Variants in FAR2 observed in about 807,000 individuals in gnomAD.
FAR2 encodes epididymis secretory protein Li 81.
In FAR2, 19 loss-of-function variants were observed where a neutral mutation model predicts 56.0. That is an observed-to-expected ratio of 0.34 (90% confidence interval 0.24 to 0.50). The LOEUF is 0.50. Ranked by LOEUF, FAR2 falls within the 20% of genes least tolerant of loss-of-function variation. The probability of loss-of-function intolerance (pLI) is 0.98; values close to 1 mark genes in which losing one functional copy is unlikely to be tolerated. For synonymous variants in FAR2, 219 were observed against 218.8 expected (o/e 1.00, Z -0.01); for missense variants, 508 against 642.2 (o/e 0.79, Z 2.26).
intron 1 of FAR2, among the ~76,000 whole-genome samples, chr12:29,240,825 AG>A (rs1470672794): frequency 6.6e-6 from 1 of 151,660 alleles, no homozygotes; most frequent in Non-Finnish European, 1.5e-5. Context: ...ATTTTTTTTG[AG>A]ACTGAGTCTC....
chr12:29,320,687 C>T (rs1565523541), intron 9 of FAR2, among the ~76,000 whole-genome samples: 2 of 152,194 alleles, frequency 1.3e-5, no homozygotes. Flanking sequence ...GGACCTTGAG[C>T]ATAATCTCTC....
intron 4 of FAR2, among the ~76,000 whole-genome samples, chr12:29,299,431 T>C (rs1949124999): frequency 2.6e-5 from 4 of 152,102 alleles, no homozygotes; most frequent in Admixed American, 2.0e-4. Flanking sequence ...CTCAAGTATA[T>C]GTCAACCAGA....
chr12:29,149,588 C>T (rs1017053904), intron 1 of FAR2, among the ~76,000 whole-genome samples, 181 bp downstream of exon 1: 1 of 152,222 alleles, frequency 6.6e-6, no homozygotes, highest in African/African-American at 2.4e-5. Flanking sequence ...TTTGCGGAGG[C>T]TCTGCCCCCT....
chr12:29,310,898 T>C (rs1949336515), intron 6 of FAR2, 130 bp from the exon 7 acceptor site: 1 of 694,530 alleles, frequency 1.4e-6, no homozygotes, highest in Admixed American at 2.2e-5. Flanking sequence ...CATAAGAACC[T>C]GGTAAGCAGT....
intron 9 of FAR2, among the ~76,000 whole-genome samples, chr12:29,320,396 T>C (rs1311521177): frequency 6.6e-6 from 1 of 152,222 alleles, no homozygotes; most frequent in Non-Finnish European, 1.5e-5. Flanking sequence ...ATTTAGATAA[T>C]AGTAAAGTGG....
At chr12:29,250,978 A>G (rs1948199883) in intron 1 of FAR2, among the ~76,000 whole-genome samples, 1 of 152,168 alleles carries the variant, frequency 6.6e-6, no homozygotes, top group East Asian at 1.9e-4. Flanking sequence ...GTGGCACTCA[A>G]TTTTCAAAGA....
chr12:29,297,162 G>A lies in FAR2; in HGVS notation c.507G>A (p.Pro169=), dbSNP rs138675198. The A allele has an allele frequency of 1.4e-5, 22 of 1,613,254 alleles. No individual in the cohort carries two copies. The highest frequency in any genetic ancestry group is 3.3e-4 in the Middle Eastern group (2 of 6,016). Residue 169 remains proline, a synonymous_variant, in exon 4 of 12, where the codon CCG becomes CCA. Transcript: ENST00000536681. The part of the protein sequence containing the change: ...NLKHIDEVIY[P]CPVEPKKIID... ...AGCACATCGATGAAGTTATCTATCC[G>A]TGCCCTGTGGAGCCAAAAAAAATCA...
At chr12:29,315,696 G>T (rs1949436960) in intron 8 of FAR2, among the ~76,000 whole-genome samples, 1 of 152,128 alleles carries the variant, frequency 6.6e-6, no homozygotes, top group Non-Finnish European at 1.5e-5. Flanking sequence ...TTAAAGAGAA[G>T]AATCAAGGAT....
In FAR2 at chr12:29,333,933, TTAAC is replaced by T. The variant is rs1171794252; in HGVS notation, c.*142_*145del. ...CCTGTTATGTATTCGTCCCTATTCC[TTAAC>T]TATGTATTTTTATTTCAGTGAGAGA... On this transcript the variant is annotated 3_prime_UTR_variant, in exon 12 of 12. Coordinates refer to ENST00000536681, the MANE Select transcript of FAR2 (RefSeq NM_001271783.2). 1 of 692,378 alleles carries T rather than the reference TTAAC, an allele frequency of 1.4e-6. No individual in the cohort carries two copies. The highest frequency in any genetic ancestry group is 1.8e-5 in the African/African-American group (1 of 55,146). The allele number at this position is 692,378 out of a possible 1,614,324, so 42.9% of individuals were successfully genotyped here. A position where few individuals can be genotyped will look rare whatever the true frequency, so the allele number is the denominator to read the frequency against.
At chr12:29,266,342 T>C (rs1001771617) in intron 1 of FAR2, among the ~76,000 whole-genome samples, 6 of 152,076 alleles carry the variant, frequency 3.9e-5, no homozygotes, top group African/African-American at 1.4e-4. Context: ...AAGAATGAGA[T>C]CCTGTTATTT....
chr12:29,272,992 G>A (rs1197399222), intron 2 of FAR2, among the ~76,000 whole-genome samples: 1 of 152,180 alleles, frequency 6.6e-6, no homozygotes, highest in African/African-American at 2.4e-5. Flanking sequence ...AGAGGCTGGA[G>A]AGCAGCAAAG....
chr12:29,321,102 T>TA (rs56727872), intron 9 of FAR2, among the ~76,000 whole-genome samples: 16 of 151,334 alleles, frequency 1.1e-4, no homozygotes, highest in Non-Finnish European at 1.9e-4. Context: ...TTTTTTTTTT[T>TA]AATCTCCACT....
At chr12:29,183,419 G>A (rs146813236) in intron 1 of FAR2, among the ~76,000 whole-genome samples, 102 of 152,062 alleles carry the variant, frequency 6.7e-4, no homozygotes, top group Non-Finnish European at 1.0e-3. Flanking sequence ...TGATTGTCTC[G>A]AAGAGACTAG....
intron 10 of FAR2, chr12:29,331,297 T>A (rs536487703): frequency 6.6e-6 from 1 of 151,532 alleles, no homozygotes; most frequent in African/African-American, 2.4e-5. Context: ...GAGTGCCCAA[T>A]TGGAAGGACA....
At chr12:29,284,201 G>A (rs1368231917) in intron 2 of FAR2, among the ~76,000 whole-genome samples, 1 of 152,188 alleles carries the variant, frequency 6.6e-6, no homozygotes, top group Middle Eastern at 3.2e-3. Context: ...ATGAGTGTGA[G>A]CTCAGACACT....
At chr12:29,225,159 C>T (rs1947746295) in intron 1 of FAR2, among the ~76,000 whole-genome samples, 1 of 152,116 alleles carries the variant, frequency 6.6e-6, no homozygotes, top group African/African-American at 2.4e-5. Context: ...TCACTTGAGC[C>T]TGGGAGGTCG....
At chr12:29,313,166 C>CA (rs1300740659) in intron 8 of FAR2, among the ~76,000 whole-genome samples, 1 of 152,094 alleles carries the variant, frequency 6.6e-6, no homozygotes, top group South Asian at 2.1e-4. Flanking sequence ...GTAGCCATGC[C>CA]ATAGGAGGTT....
At chr12:29,164,766 T>C (rs1450096548) in intron 1 of FAR2, among the ~76,000 whole-genome samples, 2 of 151,892 alleles carry the variant, frequency 1.3e-5, no homozygotes, top group African/African-American at 4.8e-5. Flanking sequence ...GTGTGATGAG[T>C]CTCCAATTGT....
chr12:29,272,849 T>C (rs1053142045), intron 2 of FAR2, among the ~76,000 whole-genome samples: 3 of 152,158 alleles, frequency 2.0e-5, no homozygotes, highest in Admixed American at 6.5e-5. Flanking sequence ...TTGTTCTTGA[T>C]GTTGTTGTCG....
Sources: gnomAD v4.1 joint callset for allele counts (sites outside exome capture counted in the v4.1 genomes callset) on GRCh38, gnomAD v4.1.1 for gene constraint, MANE v1.5 for transcripts, NCBI Gene and HGNC (gene_info 2026-07-23, HGNC 2026-07-21) for gene names.